Variants in MYZAP observed in about 807,000 individuals in gnomAD.
The protein encoded by MYZAP is myocardial zonula adherens protein.
In MYZAP, 66 loss-of-function variants were observed where a neutral mutation model predicts 69.4. The ratio of observed to expected loss-of-function variants is 0.95; its 90% confidence interval spans 0.78 to 1.17. The LOEUF (loss-of-function observed/expected upper bound fraction) is 1.17, where lower values mean the gene tolerates loss of function less well. MYZAP is among the 50% of genes most tolerant of loss of function. MYZAP has a pLI of 0.00. For synonymous variants in MYZAP, 256 were observed against 205.9 expected (o/e 1.24, Z -2.09); for missense variants, 611 against 556.2 (o/e 1.10, Z -0.99).
chr15:57,677,516 G>T (rs1321999236), intron 12 of MYZAP, among the ~76,000 whole-genome samples: 1 of 152,222 alleles, frequency 6.6e-6, no homozygotes, highest in African/African-American at 2.4e-5. Context: ...CTAAATGGTG[G>T]TGTGTATGTT....
intron 10 of MYZAP, among the ~76,000 whole-genome samples, chr15:57,659,125 A>T (rs371067134): frequency 6.6e-6 from 1 of 152,100 alleles, no homozygotes; most frequent in Non-Finnish European, 1.5e-5. Context: ...TTTATATTTC[A>T]TGTGTTTTAC....
At chr15:57,602,481 A>G (rs1362360636) in intron 1 of MYZAP, among the ~76,000 whole-genome samples, 2 of 152,156 alleles carry the variant, frequency 1.3e-5, no homozygotes, top group African/African-American at 2.4e-5. Context: ...TTAGGGCCAC[A>G]CTTATGATCT....
intron 2 of MYZAP, among the ~76,000 whole-genome samples, chr15:57,612,927 C>A (rs1272990444): frequency 6.6e-6 from 1 of 152,008 alleles, no homozygotes; most frequent in African/African-American, 2.4e-5. Context: ...TTTAATTAAG[C>A]CTTTTATTTT....
intron 11 of MYZAP, among the ~76,000 whole-genome samples, chr15:57,668,167 G>A (rs186398086): frequency 9.2e-5 from 14 of 152,222 alleles, no homozygotes; most frequent in South Asian, 4.2e-4. Context: ...TGAATATATC[G>A]CAGTTTATTC....
intron 3 of MYZAP, among the ~76,000 whole-genome samples, chr15:57,621,204 TC>T (rs371903555): frequency 8.1e-6 from 1 of 123,188 alleles, no homozygotes; most frequent in Non-Finnish European, 1.8e-5. Flanking sequence ...TCTTTCTTTT[TC>T]TTTTTTTTTT....
chr15:57,626,239 C>T lies in MYZAP; in HGVS notation c.525+347C>T, dbSNP rs556595885. ...TCCAGTCCCAGTGCCACAGGAAGTG[C>T]CACCTAATCACAGAATAACACAGAC... On this transcript the variant is annotated intron_variant, in intron 5 of 12. Transcript: ENST00000267853. 7.2e-5 allele frequency among the ~76,000 whole-genome samples: 11 copies of T among 152,298 alleles called. 1 individual carries two copies. In the South Asian group the frequency reaches 1.9e-3, roughly 26 times the overall value.
chr15:57,673,077 T>C (rs1408763814), intron 11 of MYZAP, among the ~76,000 whole-genome samples: 1 of 152,222 alleles, frequency 6.6e-6, no homozygotes, highest in African/African-American at 2.4e-5. Context: ...TTTCTACTGA[T>C]TGCATTATAT....
chr15:57,673,401 G>C (rs2038960868), intron 11 of MYZAP, among the ~76,000 whole-genome samples: 2 of 151,882 alleles, frequency 1.3e-5, no homozygotes, highest in African/African-American at 2.4e-5. Context: ...AGACATTGCT[G>C]GGGAAGCTCA....
intron 1 of MYZAP, among the ~76,000 whole-genome samples, chr15:57,594,981 C>T (rs2033960190): frequency 6.6e-6 from 1 of 152,170 alleles, no homozygotes; most frequent in African/African-American, 2.4e-5. Flanking sequence ...CCAAAGAGCT[C>T]ATCAAATTGG....
intron 4 of MYZAP, among the ~76,000 whole-genome samples, 196 bp downstream of exon 4, chr15:57,621,896 G>T (rs2934439): frequency 0.8 from 121,283 of 152,174 alleles, 48,565 homozygotes; most frequent in East Asian, 0.93. Context: ...AAGAATAATC[G>T]TATTCATATT....
chr15:57,615,375 C>T (rs1429968472), intron 2 of MYZAP, among the ~76,000 whole-genome samples: 3 of 152,186 alleles, frequency 2.0e-5, no homozygotes, highest in Admixed American at 2.0e-4. Flanking sequence ...AACTTTGAGA[C>T]CTGGGCCACT....
intron 10 of MYZAP, among the ~76,000 whole-genome samples, chr15:57,645,733 C>CG (rs1230694251): frequency 6.6e-6 from 1 of 152,172 alleles, no homozygotes; most frequent in African/African-American, 2.4e-5. Context: ...GAGCAATGCA[C>CG]GGGGCTGCCC....
intron 1 of MYZAP, among the ~76,000 whole-genome samples, chr15:57,594,527 A>G (rs1416282707): frequency 6.6e-6 from 1 of 152,232 alleles, no homozygotes; most frequent in Admixed American, 6.5e-5. Context: ...TACTTGGCAT[A>G]TATAATCATG....
intron 1 of MYZAP, among the ~76,000 whole-genome samples, chr15:57,599,111 G>T (rs1335166543): frequency 6.6e-6 from 1 of 152,170 alleles, no homozygotes; most frequent in Non-Finnish European, 1.5e-5. Flanking sequence ...TCCTAAGAGG[G>T]TATAGTATTG....
At chr15:57,612,531 G>T (rs574090947) in intron 2 of MYZAP, among the ~76,000 whole-genome samples, 79 of 152,308 alleles carry the variant, frequency 5.2e-4, no homozygotes, top group Non-Finnish European at 1.0e-3. Flanking sequence ...ATCTATTTAT[G>T]CTGGGTACCA....
At chr15:57,675,381 C>T (rs2039067186) in intron 12 of MYZAP, among the ~76,000 whole-genome samples, 1 of 152,102 alleles carries the variant, frequency 6.6e-6, no homozygotes, top group Non-Finnish European at 1.5e-5. Flanking sequence ...CTTCCCTGTG[C>T]CAGACAGTTA....
At chr15:57,655,340 G>A (rs1297314727) in intron 10 of MYZAP, among the ~76,000 whole-genome samples, 10 of 152,156 alleles carry the variant, frequency 6.6e-5, no homozygotes, top group Non-Finnish European at 1.5e-4. Flanking sequence ...AGGGTTCATT[G>A]TAGGGACAGG....
At chr15:57,665,656 C>G (rs930064752) in intron 11 of MYZAP, among the ~76,000 whole-genome samples, 1 of 152,202 alleles carries the variant, frequency 6.6e-6, no homozygotes, top group African/African-American at 2.4e-5. Flanking sequence ...ATATCCAGCA[C>G]TGTGCTGGAG....
Position 57,632,442 on chromosome 15 carries a change from G to T in MYZAP, c.687G>T (p.Ser229=). The T allele has an allele frequency of 6.2e-7, 1 of 1,614,130 alleles. No individual in the cohort carries two copies. Among genetic ancestry groups the T allele is most frequent in the African/African-American group, 1.3e-5 (1 of 75,042 alleles). ...AATGAGTCTCGTTGTAGGTGGAATC[G>T]TCCCAAGAAGCCAATGCTGAGGTGA... ...ENQLLKMKVE[S]SQEANAEVMR... is the part of the protein sequence containing the mutation. The change falls in exon 7 of 13, where the codon TCG becomes TCT. Residue 229 remains serine, a synonymous_variant. Coordinates refer to ENST00000267853, the MANE Select transcript of MYZAP (RefSeq NM_001018100.5).
Sources: allele counts gnomAD v4.1 joint callset (sites outside exome capture counted in the v4.1 genomes callset), GRCh38; gene constraint gnomAD v4.1.1; transcripts MANE v1.5; gene names NCBI Gene and HGNC (gene_info 2026-07-23, HGNC 2026-07-21).